The following IMMP2L variants were observed in gnomAD, a reference collection of about 807,000 sequenced individuals.
IMMP2L encodes inner mitochondrial membrane peptidase subunit 2.
IMMP2L carries 18 observed loss-of-function variants against 19.3 expected under a neutral mutation model. The ratio of observed to expected loss-of-function variants is 0.93; its 90% CI spans 0.64 to 1.38. The LOEUF is 1.38. Ranked by LOEUF, IMMP2L falls within the 40% of genes most tolerant of loss-of-function variation. The probability of loss-of-function intolerance (pLI) is 0.00; values close to 1 mark genes in which losing one functional copy is unlikely to be tolerated. For synonymous variants in IMMP2L, 76 were observed against 73.0 expected (o/e 1.04, Z -0.21); for missense variants, 233 against 218.2 (o/e 1.07, Z -0.43).
intron 3 of IMMP2L, among the ~76,000 whole-genome samples, chr7:111,485,609 A>AAC (rs1173768839): frequency 1.4e-4 from 21 of 147,522 alleles, no homozygotes; most frequent in Non-Finnish European, 3.0e-4. Flanking sequence ...AAAAAAAAAA[A>AAC]AAAAAAAAAA....
intron 3 of IMMP2L, among the ~76,000 whole-genome samples, chr7:111,161,992 TG>T (rs1805314970): frequency 6.6e-6 from 1 of 152,086 alleles, no homozygotes; most frequent in African/African-American, 2.4e-5. Flanking sequence ...TATGTGAGTA[TG>T]TGTGAGTTAC....
At chr7:110,890,885 T>C (rs921142520) in intron 4 of IMMP2L, among the ~76,000 whole-genome samples, 1 of 152,156 alleles carries the variant, frequency 6.6e-6, no homozygotes, top group African/African-American at 2.4e-5. Flanking sequence ...CTTTTGAGTG[T>C]CATCGGGTGA....
intron 4 of IMMP2L, among the ~76,000 whole-genome samples, chr7:110,903,090 G>A (rs1034337479): frequency 5.3e-5 from 8 of 152,112 alleles, no homozygotes; most frequent in African/African-American, 1.4e-4. Context: ...AACAGCCAGC[G>A]ACTGATGAAA....
chr7:111,154,667 T>C (rs568433529), intron 3 of IMMP2L, among the ~76,000 whole-genome samples: 25 of 152,318 alleles, frequency 1.6e-4, no homozygotes, highest in African/African-American at 5.8e-4. Flanking sequence ...ATCAATAAAC[T>C]CTTAATAACA....
intron 3 of IMMP2L, among the ~76,000 whole-genome samples, chr7:111,400,513 T>C (rs1833319211): frequency 6.6e-6 from 1 of 152,098 alleles, no homozygotes. Flanking sequence ...CCTTCCAGAC[T>C]TCCTTGACCT....
chr7:111,242,867 T>C (rs1324958989), intron 3 of IMMP2L, among the ~76,000 whole-genome samples: 1 of 152,146 alleles, frequency 6.6e-6, no homozygotes, highest in Non-Finnish European at 1.5e-5. Flanking sequence ...TCCGACATAC[T>C]ATTTTCTTTC....
intron 5 of IMMP2L, among the ~76,000 whole-genome samples, chr7:110,883,645 C>T (rs531633846): frequency 6.6e-6 from 1 of 152,238 alleles, no homozygotes; most frequent in East Asian, 1.9e-4. Flanking sequence ...TACATTTATA[C>T]ATCTTAGAAA....
At chr7:111,360,082 TA>T (rs1563100432) in intron 3 of IMMP2L, among the ~76,000 whole-genome samples, 1 of 152,166 alleles carries the variant, frequency 6.6e-6, no homozygotes, top group South Asian at 2.1e-4. Flanking sequence ...CCATAAATTT[TA>T]AAAAATGGTT....
intron 3 of IMMP2L, among the ~76,000 whole-genome samples, chr7:111,393,767 T>C (rs769376855): frequency 1.9e-4 from 29 of 152,170 alleles, no homozygotes; most frequent in Non-Finnish European, 7.4e-5. Flanking sequence ...AATTAAAGTT[T>C]ATCCTATACT....
chr7:111,118,948 T>C (rs953969499), intron 3 of IMMP2L, among the ~76,000 whole-genome samples: 5 of 152,252 alleles, frequency 3.3e-5, no homozygotes, highest in Admixed American at 2.0e-4. Flanking sequence ...GCTATGTAAA[T>C]GATGAAATAA....
intron 3 of IMMP2L, among the ~76,000 whole-genome samples, chr7:111,313,757 A>C (rs1823756483): frequency 6.6e-6 from 1 of 152,168 alleles, no homozygotes; most frequent in Non-Finnish European, 1.5e-5. Context: ...TCAGGTATAC[A>C]GGAGAGCCAA....
chr7:111,207,044 T>C (rs1810787501), intron 3 of IMMP2L, among the ~76,000 whole-genome samples: 1 of 152,246 alleles, frequency 6.6e-6, no homozygotes. Flanking sequence ...ATTTATTCAA[T>C]GATTTAACCT....
intron 3 of IMMP2L, among the ~76,000 whole-genome samples, chr7:111,170,440 A>G (rs1806306530): frequency 6.6e-6 from 1 of 151,894 alleles, no homozygotes; most frequent in Non-Finnish European, 1.5e-5. Flanking sequence ...AAATCCAAAA[A>G]CACAGTTGTT....
chr7:111,178,427 T>C (rs945017958), intron 3 of IMMP2L, among the ~76,000 whole-genome samples: 3 of 152,044 alleles, frequency 2.0e-5, no homozygotes, highest in African/African-American at 4.8e-5. Context: ...AAGGTTGGGG[T>C]AGCTGTAACA....
rs138298555 is a variant in IMMP2L, at chr7:110,727,523, G to T, written c.409-63802C>A. Among the ~76,000 whole-genome samples the T allele has an allele frequency of 6.6e-6, 1 of 152,188 alleles. No individual in the cohort carries two copies. The highest frequency in any genetic ancestry group is 6.5e-5 in the Admixed American group (1 of 15,286). ...ACTGTTTCCTCCTCTCCCTCCCAGT[G>T]CTCCAAACCAGTAAGAGTCAGAAAC... On this transcript the variant is annotated intron_variant, in intron 5 of 5. Transcript: ENST00000405709. This position sits in a 1 kb window ranked among gnomAD's most constrained non-coding sequence, Gnocchi z 4.3.
At chr7:110,723,887 G>A (rs1052213083) in intron 5 of IMMP2L, among the ~76,000 whole-genome samples, 6 of 150,662 alleles carry the variant, frequency 4.0e-5, no homozygotes, top group Admixed American at 6.6e-5. Flanking sequence ...CAGATGTCTC[G>A]GAACAGTAAT....
Position 110,790,877 on chromosome 7 carries a change from A to G in IMMP2L, c.408+95716T>C, listed in dbSNP as rs564348521. Among the ~76,000 whole-genome samples the G allele has an allele frequency of 6.6e-5, 10 of 151,614 alleles. No individual in the cohort carries two copies. In the South Asian group the frequency reaches 2.1e-3, roughly 31 times the overall value. On this transcript the variant is annotated intron_variant, in intron 5 of 5. Transcript: ENST00000405709. The stretch of plus-strand genomic sequence containing the variant: ...TGAATTTGAATAAAAATATGCAAAG[A>G]GACCAATAATGACACCTCACATAAG...
At chr7:111,126,424 C>T (rs548120167) in intron 3 of IMMP2L, among the ~76,000 whole-genome samples, 132 of 152,154 alleles carry the variant, frequency 8.7e-4, no homozygotes, top group African/African-American at 4.8e-4. Context: ...AATTCAGATA[C>T]TTTCAGAGTT....
chr7:111,324,906 A>T lies in IMMP2L; in HGVS notation c.239+162332T>A, dbSNP rs181493523. 2.6e-5 allele frequency among the ~76,000 whole-genome samples: 4 copies of T among 151,994 alleles called. No homozygotes were observed. The East Asian group carries it at 7.7e-4, about 29-fold the overall frequency. On this transcript the variant is annotated intron_variant, in intron 3 of 5. Coordinates refer to ENST00000405709, the MANE Select transcript of IMMP2L (RefSeq NM_032549.4). ...ACATTTGGTTGCTTCACAATCTGTT[A>T]ATTTTTTTAATCAAATATGACTAAG...
Sources: gnomAD v4.1 joint callset for allele counts (sites outside exome capture counted in the v4.1 genomes callset) on GRCh38, gnomAD v4.1.1 for gene constraint, Gnocchi (gnomAD v3.1) non-coding constraint, MANE v1.5 for transcripts, NCBI Gene and HGNC (gene_info 2026-07-23, HGNC 2026-07-21) for gene names.